SCYL2: variants seen among roughly 807,000 people sequenced by gnomAD.
The protein encoded by SCYL2 is SCY1 like pseudokinase 2, also known as SCY1-like protein 2.
Under a neutral mutation model 100.4 loss-of-function variants are expected in SCYL2, and 36 were observed. The ratio of observed to expected loss-of-function variants is 0.36; its 90% CI spans 0.27 to 0.47. The LOEUF is 0.47. Ranked by LOEUF, SCYL2 falls within the 20% of genes least tolerant of loss-of-function variation. The pLI is 1.00. For missense variants in SCYL2, 902 were observed against 1,083.9 expected, an observed-to-expected ratio of 0.83 and a Z score of 2.36; for synonymous variants, 330 against 359.2, an observed-to-expected ratio of 0.92 and a Z score of 0.92.
intron 1 of SCYL2, among the ~76,000 whole-genome samples, chr12:100,274,081 G>T (rs1333367357): frequency 6.6e-6 from 1 of 152,146 alleles, no homozygotes; most frequent in Non-Finnish European, 1.5e-5. Context: ...TTACAAAAAT[G>T]CAGCATTAAA....
At chr12:100,330,033 A>G (rs767920841) in intron 13 of SCYL2, among the ~76,000 whole-genome samples, 11 of 152,224 alleles carry the variant, frequency 7.2e-5, no homozygotes, top group South Asian at 2.1e-4. Flanking sequence ...CACCTGTGCC[A>G]TAGTCTGTTG....
intron 4 of SCYL2, among the ~76,000 whole-genome samples, chr12:100,299,890 G>T (rs2096325552): frequency 6.6e-6 from 1 of 152,102 alleles, no homozygotes; most frequent in South Asian, 2.1e-4. Context: ...GAGAGGAATG[G>T]CTAGATCAAA....
intron 4 of SCYL2, among the ~76,000 whole-genome samples, chr12:100,298,601 G>A (rs1177858849): frequency 6.6e-6 from 1 of 151,536 alleles, no homozygotes; most frequent in Non-Finnish European, 1.5e-5. Flanking sequence ...CCAGGCTGGA[G>A]TGCAATGGCA....
At position 100,339,369 on chromosome 12, in the gene SCYL2, T is replaced by G; in HGVS notation, c.*197T>G. 1.8e-6 allele frequency: 1 copy of G among 544,250 alleles called. No individual in the cohort carries two copies. The highest frequency in any genetic ancestry group is 3.1e-6 in the Non-Finnish European group (1 of 321,204). The allele number at this position is 544,250 out of a possible 1,614,324, so 33.7% of individuals were successfully genotyped here. A position where few individuals can be genotyped will look rare whatever the true frequency, so the allele number is the denominator to read the frequency against. On this transcript the variant is annotated 3_prime_UTR_variant, in exon 18 of 18. Transcript: ENST00000360820. ...TTGAGTTTTTTAAAGCATTGAGGAT[T>G]TTTTCCTCTTACCAACTCCTCTTCA...
intron 2 of SCYL2, among the ~76,000 whole-genome samples, chr12:100,290,431 C>A (rs1047525288): frequency 1.2e-4 from 18 of 151,990 alleles, no homozygotes; most frequent in African/African-American, 4.1e-4. Context: ...CATAAGGAAC[C>A]CTCATTTTAC....
At chr12:100,294,407 A>G (rs2096315045) in intron 3 of SCYL2, among the ~76,000 whole-genome samples, 2 of 111,910 alleles carry the variant, frequency 1.8e-5, no homozygotes. Context: ...TCCCTCCCGG[A>G]CGGGGCGGCT....
Position 100,321,802 on chromosome 12 carries a change from G to A in SCYL2, c.1396-1723G>A, listed in dbSNP as rs561579926. On this transcript the variant is annotated intron_variant, in intron 10 of 17. Coordinates refer to ENST00000360820, the MANE Select transcript of SCYL2 (RefSeq NM_017988.6). ...TCACACCTGTAATTTGAGCACTTTG[G>A]AAGACTGAGGTGGGAGGATCTCTTG... Among the ~76,000 whole-genome samples the A allele has an allele frequency of 4.7e-4, 71 of 152,206 alleles. 2 individuals carry two copies. In the Middle Eastern group the frequency reaches 0.01, roughly 22 times the overall value.
intron 10 of SCYL2, among the ~76,000 whole-genome samples, chr12:100,320,434 C>T (rs1249976148): frequency 6.6e-6 from 1 of 152,022 alleles, no homozygotes; most frequent in Non-Finnish European, 1.5e-5. Flanking sequence ...GTAATCCCAG[C>T]TACTCAGGAG....
At chr12:100,280,249 G>A (rs934327032) in intron 1 of SCYL2, among the ~76,000 whole-genome samples, 1 of 152,142 alleles carries the variant, frequency 6.6e-6, no homozygotes. Flanking sequence ...TATTTACTTA[G>A]AGTAATATTT....
chr12:100,308,229 A>G (rs2096337137), intron 4 of SCYL2, among the ~76,000 whole-genome samples: 1 of 152,218 alleles, frequency 6.6e-6, no homozygotes, highest in Non-Finnish European at 1.5e-5. Context: ...CAAAGACTGG[A>G]ACCAACCCAA....
chr12:100,327,451 G>A (rs1034084578), intron 12 of SCYL2, among the ~76,000 whole-genome samples: 12 of 152,018 alleles, frequency 7.9e-5, no homozygotes, highest in Admixed American at 4.6e-4. Context: ...AATAAAATAG[G>A]CATAGCTATA....
rs146661537 is a variant in SCYL2 at position 100,313,530 on chromosome 12, A to G, written c.961A>G (p.Met321Val). The part of the protein sequence containing the change: ...TPTVRPDADQ[M>V]TKIPFFDDVG... Reference sequence around the variant, plus strand: ...GACTGTAAGACCAGATGCAGATCAAATGACAAAGGTGAGTACATGTGGATT... The same window carrying G: ...GACTGTAAGACCAGATGCAGATCAAGTGACAAAGGTGAGTACATGTGGATT... The change falls in exon 7 of 18, where the codon ATG (methionine) becomes GTG (valine). Residue 321 changes from methionine to valine, a missense_variant. Coordinates refer to ENST00000360820, the MANE Select transcript of SCYL2 (RefSeq NM_017988.6). 372 of 1,561,748 alleles carry G rather than the reference A, an allele frequency of 2.4e-4. No homozygotes were observed. The highest frequency in any genetic ancestry group is 3.0e-4 in the Non-Finnish European group (338 of 1,133,756).
intron 1 of SCYL2, among the ~76,000 whole-genome samples, chr12:100,282,523 A>G (rs1169318718): frequency 6.6e-6 from 1 of 151,748 alleles, no homozygotes; most frequent in Non-Finnish European, 1.5e-5. Flanking sequence ...ATGGCATTTC[A>G]CCATGTTGGC....
In SCYL2 at chr12:100,267,253, G is replaced by C. The variant is rs1293093193; in HGVS notation, c.-568G>C. On this transcript the variant is annotated 5_prime_UTR_variant, in exon 1 of 18. Transcript: ENST00000360820. Reference sequence around the variant, plus strand: ...CCCTTTCCTTCTAGCTCCGACGTTTGCGGCCGCGGGGGCGGCGGAGGATAT... The same window carrying C: ...CCCTTTCCTTCTAGCTCCGACGTTTCCGGCCGCGGGGGCGGCGGAGGATAT... The C allele has an allele frequency of 3.1e-6, 2 of 644,070 alleles. No individual in the cohort carries two copies. The highest frequency in any genetic ancestry group is 5.1e-6 in the Non-Finnish European group (2 of 389,872). The allele number at this position is 644,070 out of a possible 1,614,324, so 39.9% of individuals were successfully genotyped here.
chr12:100,294,419 G>A (rs2096315135), intron 3 of SCYL2, among the ~76,000 whole-genome samples: 1 of 114,660 alleles, frequency 8.7e-6, no homozygotes, highest in Non-Finnish European at 1.9e-5. Flanking sequence ...GGGGCGGCTG[G>A]CCGGGCGGGG....
At chr12:100,338,440 T>G in intron 17 of SCYL2, 88 bp from the exon 18 acceptor site, 2 of 1,192,600 alleles carry the variant, frequency 1.7e-6, no homozygotes, top group African/African-American at 3.1e-5. Context: ...TTCTAACTTG[T>G]CCTTTATAAT....
In SCYL2 at chr12:100,284,985, A is replaced by G. The variant is rs78974843; in HGVS notation, c.177+1838A>G. On this transcript the variant is annotated intron_variant, in intron 2 of 17. Transcript: ENST00000360820. ...TCAGGAGTTTAAGACCAACATGTGC[A>G]ATGTAGGGAGACTCTGTCTAAAAAA... is the stretch of plus-strand genomic sequence containing the variant. Among the ~76,000 whole-genome samples the G allele has an allele frequency of 2.1e-3, 325 of 152,262 alleles. 4 individuals are homozygous for G. In the East Asian group the frequency reaches 0.036, roughly 17 times the overall value.
chr12:100,282,698 A>G (rs1205680890), intron 1 of SCYL2, among the ~76,000 whole-genome samples: 1 of 152,160 alleles, frequency 6.6e-6, no homozygotes, highest in South Asian at 2.1e-4. Context: ...GTCATTGTCA[A>G]GTGTGAGTAT....
intron 1 of SCYL2, among the ~76,000 whole-genome samples, chr12:100,280,059 G>T (rs1026749095): frequency 6.6e-6 from 1 of 152,162 alleles, no homozygotes; most frequent in Non-Finnish European, 1.5e-5. Context: ...TTTGGAATGT[G>T]CCTCTGGGGC....
Sources: allele counts gnomAD v4.1 joint callset (sites outside exome capture counted in the v4.1 genomes callset), GRCh38; gene constraint gnomAD v4.1.1; transcripts MANE v1.5; gene names NCBI Gene and HGNC (gene_info 2026-07-23, HGNC 2026-07-21).